Variants in PLS3 observed in about 807,000 individuals in gnomAD.
The protein encoded by PLS3 is plastin-3.
PLS3 carries 11 observed loss-of-function variants against 46.5 expected under a neutral mutation model. The observed-to-expected ratio is 0.24, with a 90% CI of 0.15 to 0.39. The LOEUF (loss-of-function observed/expected upper bound fraction) is 0.39. PLS3 is among the 10% of genes least tolerant of loss of function. PLS3 has a pLI of 1.00. For missense variants in PLS3, 308 were observed against 461.8 expected (o/e 0.67, Z 3.05); for synonymous variants, 167 against 162.2 (o/e 1.03, Z -0.22).
intron 8 of PLS3, 166 bp from the exon 9 acceptor site, chrX:115,640,242 C>A: frequency 3.1e-6 from 2 of 647,174 alleles, no homozygotes; most frequent in Admixed American, 6.3e-5. Flanking sequence ...AGATATAAGG[C>A]AGATAGATGG....
rs1011745887 is a variant in PLS3 at position 115,650,329 on chromosome X, C to G, written c.*768C>G. ...AATTGAAATATTTTGTCTTAAATCACTTGGTTCAATACATGCTTATTTGTT... is the reference window on the plus strand; with the variant it reads ...AATTGAAATATTTTGTCTTAAATCAGTTGGTTCAATACATGCTTATTTGTT... On this transcript the variant is annotated 3_prime_UTR_variant, in exon 16 of 16. Coordinates refer to ENST00000355899, the MANE Select transcript of PLS3 (RefSeq NM_005032.7). The G allele has an allele frequency of 6.3e-5, 7 of 111,789 alleles. No individual in the cohort carries two copies. The highest frequency in any genetic ancestry group is 1.3e-4 in the Non-Finnish European group (7 of 53,152). The allele number at this position is 111,789 out of a possible 1,213,427, so 9.2% of individuals were successfully genotyped here.
intron 2 of PLS3, 48 bp downstream of exon 2, chrX:115,610,371 T>C: frequency 6.0e-6 from 4 of 671,187 alleles, no homozygotes; most frequent in Non-Finnish European, 9.2e-6. Context: ...ATTTATTTGG[T>C]CTCAAAGTTA....
chrX:115,647,698 A>G (rs2074966854), intron 14 of PLS3, 25 bp downstream of exon 14: 5 of 1,186,938 alleles, frequency 4.2e-6, no homozygotes, highest in Admixed American at 4.4e-5. Context: ...TTGACTATTA[A>G]ATATTATGTT....
intron 1 of PLS3, among the ~76,000 whole-genome samples, chrX:115,600,697 GTCC>G (rs782642260): frequency 1.5e-3 from 167 of 112,241 alleles, no homozygotes; most frequent in Non-Finnish European, 2.5e-3. Context: ...TAGACTGACT[GTCC>G]TCATATCCAC....
intron 1 of PLS3, among the ~76,000 whole-genome samples, chrX:115,579,158 T>C (rs868961147): frequency 7.1e-5 from 8 of 112,305 alleles, no homozygotes; most frequent in Admixed American, 9.5e-5. Context: ...TGGAATGATA[T>C]ATAGTATGTA....
At chrX:115,606,043 A>G (rs972740935) in intron 1 of PLS3, among the ~76,000 whole-genome samples, 2 of 104,195 alleles carry the variant, frequency 1.9e-5, no homozygotes, top group Non-Finnish European at 3.9e-5. Flanking sequence ...AGAGATTTCT[A>G]CAGGATTTAA....
chrX:115,648,764 T>G (rs2074976397), intron 15 of PLS3, among the ~76,000 whole-genome samples: 1 of 112,159 alleles, frequency 8.9e-6, no homozygotes, highest in South Asian at 3.7e-4. Context: ...ATCCACAATA[T>G]ATCAAGAACT....
Position 115,649,602 on chromosome X carries a change from T to C in PLS3, c.*41T>C, listed in dbSNP as rs782785472. The C allele has an allele frequency of 1.7e-6, 2 of 1,155,646 alleles. No individual in the cohort carries two copies. On this transcript the variant is annotated 3_prime_UTR_variant, in exon 16 of 16. Transcript: ENST00000355899. ...TAAAACAGCCATGCTCCCAGGTGCA[T>C]GATTCGCAGGTCAGCTATTTCCAGG...
chrX:115,647,499 A>G, intron 13 of PLS3, 51 bp from the exon 14 acceptor site: 3 of 1,104,185 alleles, frequency 2.7e-6, no homozygotes, highest in Non-Finnish European at 3.7e-6. Flanking sequence ...TGATGTTTGC[A>G]TTTTTCCTCA....
At chrX:115,567,825 G>A (rs1199150904) in intron 1 of PLS3, among the ~76,000 whole-genome samples, 1 of 104,957 alleles carries the variant, frequency 9.5e-6, no homozygotes, top group African/African-American at 3.5e-5. Flanking sequence ...ATACACACAC[G>A]AGTATATATA....
chrX:115,581,058 C>CA (rs1428155339), intron 1 of PLS3, among the ~76,000 whole-genome samples: 3 of 111,100 alleles, frequency 2.7e-5, no homozygotes, highest in African/African-American at 9.8e-5. Flanking sequence ...TCAGCCATAA[C>CA]ATGAATGACC....
chrX:115,568,252 A>C (rs1021203693), intron 1 of PLS3, among the ~76,000 whole-genome samples: 3 of 111,878 alleles, frequency 2.7e-5, no homozygotes, highest in African/African-American at 9.7e-5. Context: ...ACTATTCAAC[A>C]TGTATGAATT....
intron 1 of PLS3, among the ~76,000 whole-genome samples, chrX:115,581,578 G>C (rs2074279643): frequency 8.9e-6 from 1 of 111,929 alleles, no homozygotes; most frequent in African/African-American, 3.2e-5. Context: ...TTGGTTTTGG[G>C]TGAGGGAAAA....
At chrX:115,566,322 A>G (rs890993990) in intron 1 of PLS3, among the ~76,000 whole-genome samples, 1 of 109,021 alleles carries the variant, frequency 9.2e-6, no homozygotes, top group Non-Finnish European at 1.9e-5. Flanking sequence ...ATAAGAGACT[A>G]GGTTGATAAC....
intron 1 of PLS3, among the ~76,000 whole-genome samples, chrX:115,577,006 A>AAC (rs2074253055): frequency 8.9e-6 from 1 of 112,165 alleles, no homozygotes; most frequent in Non-Finnish European, 1.9e-5. Flanking sequence ...ACAATGGTGG[A>AAC]GGATCAGGTC....
intron 1 of PLS3, among the ~76,000 whole-genome samples, chrX:115,599,352 A>G (rs1166059637): frequency 9.5e-6 from 1 of 105,133 alleles, no homozygotes; most frequent in Admixed American, 1.0e-4. Context: ...AAAAAAAAAA[A>G]AAGAAATAAA....
intron 2 of PLS3, chrX:115,614,342 C>T (rs2074577017): frequency 1.3e-6 from 1 of 749,461 alleles, no homozygotes; most frequent in Non-Finnish European, 1.6e-6. Flanking sequence ...AATTTTGAGT[C>T]AGAAAAGGAC....
At chrX:115,647,260 T>C (rs949760077) in intron 13 of PLS3, among the ~76,000 whole-genome samples, 7 of 106,154 alleles carry the variant, frequency 6.6e-5, no homozygotes, top group Admixed American at 1.0e-4. Flanking sequence ...GGTGAAACCC[T>C]GTCCCTACTA....
intron 1 of PLS3, among the ~76,000 whole-genome samples, chrX:115,590,235 T>C (rs1464426336): frequency 9.0e-6 from 1 of 111,534 alleles, no homozygotes; most frequent in Non-Finnish European, 1.9e-5. Context: ...TCCGTCGGCT[T>C]TCCTTAGCAT....
Sources: allele counts gnomAD v4.1 joint callset (sites outside exome capture counted in the v4.1 genomes callset), GRCh38; gene constraint gnomAD v4.1.1; transcripts MANE v1.5; gene names NCBI Gene and HGNC (gene_info 2026-07-23, HGNC 2026-07-21).